Variants in NHSL2 observed in about 807,000 individuals in gnomAD.
NHSL2 encodes the protein NHS-like protein 2.
Under a neutral mutation model 53.4 loss-of-function variants are expected in NHSL2, and 27 were observed. The ratio of observed to expected loss-of-function variants is 0.51; its 90% CI spans 0.37 to 0.70. NHSL2 has a LOEUF of 0.70. Among genes scored for constraint, NHSL2 ranks in the 30% least tolerant of loss-of-function variants. The pLI is 0.00. For missense variants in NHSL2, 892 were observed against 980.1 expected (o/e 0.91, Z 1.20); for synonymous variants, 408 against 404.1 (o/e 1.01, Z -0.12).
chrX:71,965,939 C>T (rs1270399242), intron 1 of NHSL2: 1 of 112,397 alleles, frequency 8.9e-6, no homozygotes, highest in Non-Finnish European at 1.9e-5. Flanking sequence ...ATTTAATACA[C>T]GCAACTTGAT....
At chrX:72,114,950 T>C in intron 1 of NHSL2, among the ~76,000 whole-genome samples, 1 of 112,367 alleles carries the variant, frequency 8.9e-6, no homozygotes, top group Non-Finnish European at 1.9e-5. Context: ...CATTCCTGAT[T>C]TGTCTCCTCA....
In NHSL2 at chrX:72,139,341, C is replaced by A; in HGVS notation, c.1793C>A (p.Pro598His). ...GGSALPKDQRPKSLCLSLEHQ... is the reference protein window; with the variant it reads ...GGSALPKDQRHKSLCLSLEHQ... The stretch of plus-strand genomic sequence containing the variant: ...TCAGCACTACCCAAGGACCAGAGGC[C>A]CAAGAGCCTTTGCCTCTCCTTGGAA... The change falls in exon 6 of 8, where the codon CCC becomes CAC. Residue 598 changes from proline (P) to histidine (H), a missense_variant. Coordinates refer to ENST00000633930, the MANE Select transcript of NHSL2 (RefSeq NM_001013627.3). The A allele has an allele frequency of 8.3e-7, 1 of 1,209,621 alleles. No individual in the cohort carries two copies.
chrX:71,969,222 G>C (rs185825794), intron 1 of NHSL2, among the ~76,000 whole-genome samples: 1 of 108,702 alleles, frequency 9.2e-6, no homozygotes, highest in Non-Finnish European at 1.9e-5. Flanking sequence ...TCTAGTTTTC[G>C]AAGTAAGAAA....
rs1368386553 is a variant in NHSL2, at chrX:72,152,805, G to A, written c.*9231G>A. On this transcript the variant is annotated 3_prime_UTR_variant, in exon 8 of 8. Transcript: ENST00000633930. ...TTTCCAGAATTAGGAAGGGAAACCA[G>A]GCTTGTGCCTTGGATCCAAAAGCAG... 1 of 112,705 alleles carries A rather than the reference G, an allele frequency of 8.9e-6. No homozygotes were observed. Among genetic ancestry groups the A allele is most frequent in the Non-Finnish European group, 1.9e-5 (1 of 53,366 alleles). The allele number at this position is 112,705 out of a possible 1,213,427, so 9.3% of individuals were successfully genotyped here. A position where few individuals can be genotyped will look rare whatever the true frequency, so the allele number is the denominator to read the frequency against.
rs184197638 is a variant in NHSL2 at position 72,044,587 on chromosome X, C to T, written c.281-87492C>T. 1,465 of 1,062,430 alleles carry T rather than the reference C, an allele frequency of 1.4e-3. 17 individuals carry two copies. In the African/African-American group the frequency reaches 0.023, roughly 17 times the overall value. 87.6% of individuals were successfully genotyped at this position (1,062,430 alleles called of 1,213,427 possible). ...GAACAACAGTCATGCCAAAAAGGGC[C>T]GCGGCCACGTGCAGCCTATTCGCTG... On this transcript the variant is annotated intron_variant, in intron 1 of 7. Coordinates refer to ENST00000633930, the MANE Select transcript of NHSL2 (RefSeq NM_001013627.3).
At chrX:72,085,566 A>AG (rs1387302475) in intron 1 of NHSL2, among the ~76,000 whole-genome samples, 1 of 111,617 alleles carries the variant, frequency 9.0e-6, no homozygotes, top group Non-Finnish European at 1.9e-5. Flanking sequence ...TTGAGCTGTA[A>AG]GGGGGGAAAT....
At position 72,140,681 on chromosome X, in the gene NHSL2, T is replaced by A. The variant is rs139586021; in HGVS notation, c.3133T>A (p.Cys1045Ser). 3.0e-5 allele frequency: 36 copies of A among 1,209,695 alleles called. No homozygotes were observed. The African/African-American group carries it at 5.6e-4, about 19-fold the overall frequency. Residue 1045 changes from cysteine to serine, a missense_variant, in exon 6 of 8, where the codon TGT (cysteine) becomes AGT (serine). Coordinates refer to ENST00000633930, the MANE Select transcript of NHSL2 (RefSeq NM_001013627.3). ...PIITLEEDTK[C>S]PATGDDLQSL... ...CATCACCCTGGAGGAAGACACCAAG[T>A]GTCCCGCCACCGGCGATGACCTGCA...
At chrX:71,997,940 A>G (rs2042056478) in intron 1 of NHSL2, among the ~76,000 whole-genome samples, 1 of 111,990 alleles carries the variant, frequency 8.9e-6, no homozygotes, top group Non-Finnish European at 1.9e-5. Flanking sequence ...GCATTCTCAC[A>G]ATAGTTCCAA....
chrX:71,982,917 G>T (rs1034044717), intron 1 of NHSL2, among the ~76,000 whole-genome samples: 4 of 112,443 alleles, frequency 3.6e-5, no homozygotes, highest in African/African-American at 1.3e-4. Flanking sequence ...TTTGAAGCTG[G>T]TTGTCCAGAA....
chrX:72,011,498 C>G (rs989348215), intron 1 of NHSL2, among the ~76,000 whole-genome samples: 2 of 111,734 alleles, frequency 1.8e-5, no homozygotes, highest in Non-Finnish European at 3.8e-5. Flanking sequence ...GGTGAAACCC[C>G]ATCTCTACTA....
chrX:72,036,035 AACCTAACT>A (rs2042239793), intron 1 of NHSL2, among the ~76,000 whole-genome samples: 1 of 111,905 alleles, frequency 8.9e-6, no homozygotes, highest in East Asian at 2.8e-4. Context: ...TCCTTATGAG[AACCTAACT>A]AATGCCTGAT....
chrX:71,931,861 G>A (rs188678669), intron 1 of NHSL2, among the ~76,000 whole-genome samples: 20 of 112,606 alleles, frequency 1.8e-4, no homozygotes, highest in Non-Finnish European at 9.4e-5. Context: ...AGATTGTTTT[G>A]GCTATTCTGG....
At position 72,139,113 on chromosome X, in the gene NHSL2, G is replaced by A. The variant is rs201740911; in HGVS notation, c.1565G>A (p.Cys522Tyr). ...GAGGAGCAGAAGGCCAATGAGGCCT[G>A]TGCCCTGCCTTTTGCCAGTACGAGC... ...YDEEQKANEA[C>Y]ALPFASTSSE... is the part of the protein sequence containing the mutation. Residue 522 changes from cysteine (C) to tyrosine (Y), a missense_variant, in exon 6 of 8, where the codon TGT becomes TAT. Coordinates refer to ENST00000633930, the MANE Select transcript of NHSL2 (RefSeq NM_001013627.3). 1.5e-4 allele frequency: 177 copies of A among 1,169,328 alleles called. No individual in the cohort carries two copies. Among genetic ancestry groups the A allele is most frequent in the Non-Finnish European group, 1.8e-4 (158 of 873,903 alleles).
chrX:72,055,241 C>T (rs1390387797), intron 1 of NHSL2, among the ~76,000 whole-genome samples: 1 of 112,019 alleles, frequency 8.9e-6, no homozygotes, highest in Non-Finnish European at 1.9e-5. Flanking sequence ...CAAAGTCACG[C>T]AGCCAACAGC....
intron 1 of NHSL2, among the ~76,000 whole-genome samples, chrX:71,984,722 G>A (rs1169247401): frequency 8.9e-6 from 1 of 111,914 alleles, no homozygotes; most frequent in African/African-American, 3.2e-5. Flanking sequence ...AGACTGATTT[G>A]CTTTATTATA....
At position 72,144,646 on chromosome X, in the gene NHSL2, C is replaced by T; in HGVS notation, c.*1072C>T. 1.5e-6 allele frequency: 1 copy of T among 684,529 alleles called. No individual in the cohort carries two copies. Among genetic ancestry groups the T allele is most frequent in the Non-Finnish European group, 2.1e-6 (1 of 473,167 alleles). 56.4% of individuals were successfully genotyped at this position (684,529 alleles called of 1,213,427 possible). A position where few individuals can be genotyped will look rare whatever the true frequency, so the allele number is the denominator to read the frequency against. On this transcript the variant is annotated 3_prime_UTR_variant, in exon 8 of 8. Transcript: ENST00000633930. ...GTTCCAAAAACCAAGAACATATAAACTAAAAGGATCTATCCAAAATCTAAA... is the reference window on the plus strand; with the variant it reads ...GTTCCAAAAACCAAGAACATATAAATTAAAAGGATCTATCCAAAATCTAAA...
chrX:71,963,158 G>A (rs928074759), intron 1 of NHSL2, among the ~76,000 whole-genome samples: 18 of 109,970 alleles, frequency 1.6e-4, no homozygotes, highest in African/African-American at 5.6e-4. Flanking sequence ...TTTTTCTGGC[G>A]TCTTGAGGTG....
chrX:71,921,050 A>G (rs2041655640), intron 1 of NHSL2, among the ~76,000 whole-genome samples: 1 of 108,871 alleles, frequency 9.2e-6, no homozygotes, highest in African/African-American at 3.3e-5. Context: ...TGATCCGCCC[A>G]CCTTGGCCTC....
chrX:71,922,947 C>T (rs774334569), intron 1 of NHSL2, among the ~76,000 whole-genome samples: 2 of 111,623 alleles, frequency 1.8e-5, no homozygotes, highest in Non-Finnish European at 3.8e-5. Flanking sequence ...ATCTTTTTTC[C>T]CATAATTCTG....
Sources: allele counts gnomAD v4.1 joint callset (sites outside exome capture counted in the v4.1 genomes callset), GRCh38; gene constraint gnomAD v4.1.1; transcripts MANE v1.5; gene names NCBI Gene and HGNC (gene_info 2026-07-23, HGNC 2026-07-21).